Variants in SPRYD7 observed in about 807,000 individuals in gnomAD.
SPRYD7 encodes SPRY domain-containing protein 7.
A neutral mutation model predicts 23.8 loss-of-function variants in SPRYD7; 14 were observed. That is an observed-to-expected ratio of 0.59 (90% CI 0.39 to 0.92). The LOEUF is 0.92. Ranked by LOEUF, SPRYD7 falls within the 40% of genes least tolerant of loss-of-function variation. The pLI, the probability that SPRYD7 is intolerant of heterozygous loss-of-function variation, is 0.00. For missense variants in SPRYD7, 194 were observed against 241.7 expected (o/e 0.80, Z 1.31); for synonymous variants, 75 against 84.9 (o/e 0.88, Z 0.64).
intron 1 of SPRYD7, chr13:49,935,823 A>ACT: frequency 4.1e-6 from 1 of 241,014 alleles, no homozygotes; most frequent in East Asian, 8.0e-5. Flanking sequence ...CCAGAAGGGC[A>ACT]CTCTCCGCCC....
chr13:49,914,208 A>G lies in SPRYD7; in HGVS notation c.*855T>C, dbSNP rs534456466. 1 of 153,918 alleles carries G rather than the reference A, an allele frequency of 6.5e-6. No homozygotes were observed. The highest frequency in any genetic ancestry group is 2.1e-4 in the South Asian group (1 of 4,830). The allele number at this position is 153,918 out of a possible 1,614,324, so 9.5% of individuals were successfully genotyped here. On this transcript the variant is annotated 3_prime_UTR_variant, in exon 5 of 5. Coordinates refer to ENST00000361840, the MANE Select transcript of SPRYD7 (RefSeq NM_020456.4). Reference sequence around the variant, plus strand: ...CACTTATCTCTGAACTGAAATAATCACGGGTGATGTGAATTTAGTGTATAA... The same window carrying G: ...CACTTATCTCTGAACTGAAATAATCGCGGGTGATGTGAATTTAGTGTATAA...
At chr13:49,923,268 G>C (rs1955840593) in intron 3 of SPRYD7, among the ~76,000 whole-genome samples, 1 of 151,720 alleles carries the variant, frequency 6.6e-6, no homozygotes, top group Non-Finnish European at 1.5e-5. Flanking sequence ...TTTTGAGACA[G>C]AGTCTCGTTC....
chr13:49,918,171 T>C (rs1197837811), intron 4 of SPRYD7, among the ~76,000 whole-genome samples: 1 of 152,136 alleles, frequency 6.6e-6, no homozygotes, highest in Non-Finnish European at 1.5e-5. Flanking sequence ...CAAGAGATCC[T>C]CTCAGCTCAG....
At chr13:49,925,596 G>A (rs1052882021) in intron 3 of SPRYD7, among the ~76,000 whole-genome samples, 2 of 152,052 alleles carry the variant, frequency 1.3e-5, no homozygotes, top group African/African-American at 2.4e-5. Context: ...CAGATCATGA[G>A]GTCAGGAGTT....
intron 2 of SPRYD7, among the ~76,000 whole-genome samples, chr13:49,929,621 G>A (rs938135163): frequency 3.3e-5 from 5 of 151,796 alleles, no homozygotes; most frequent in Non-Finnish European, 5.9e-5. Context: ...TCAGCCTCCC[G>A]AGTAGCTGGG....
intron 3 of SPRYD7, 55 bp from the exon 4 acceptor site, chr13:49,921,635 G>C: frequency 1.8e-6 from 2 of 1,103,980 alleles, no homozygotes; most frequent in Non-Finnish European, 2.8e-6. Context: ...AGAAAGCATT[G>C]ACTGGGAAGT....
intron 1 of SPRYD7, among the ~76,000 whole-genome samples, chr13:49,932,385 C>T (rs1347761118): frequency 1.3e-5 from 2 of 152,080 alleles, no homozygotes; most frequent in African/African-American, 2.4e-5. Context: ...ACTTTATTCT[C>T]GTAGAAAATT....
At position 49,914,916 on chromosome 13, in the gene SPRYD7, G is replaced by T. The variant is rs1018019662; in HGVS notation, c.*147C>A. On this transcript the variant is annotated 3_prime_UTR_variant, in exon 5 of 5. Transcript: ENST00000361840. The stretch of plus-strand genomic sequence containing the variant: ...AAGTATTTTAAATCACAACTTCAGG[G>T]TGGTATACTGAATACATTGGTTCCT... 2 of 417,270 alleles carry T rather than the reference G, an allele frequency of 4.8e-6. No individual in the cohort carries two copies. The highest frequency in any genetic ancestry group is 2.1e-5 in the African/African-American group (1 of 48,182). 25.8% of individuals were successfully genotyped at this position (417,270 alleles called of 1,614,324 possible).
At chr13:49,917,290 A>G (rs1955763453) in intron 4 of SPRYD7, among the ~76,000 whole-genome samples, 1 of 152,064 alleles carries the variant, frequency 6.6e-6, no homozygotes, top group Admixed American at 6.6e-5. Flanking sequence ...TTTTTAGTAG[A>G]GACGGGGTTT....
intron 4 of SPRYD7, among the ~76,000 whole-genome samples, chr13:49,916,377 A>G (rs765929279): frequency 6.6e-6 from 1 of 152,210 alleles, no homozygotes; most frequent in Admixed American, 6.5e-5. Flanking sequence ...AAAAAAATGT[A>G]AATACTGGAT....
In SPRYD7 at chr13:49,936,324, G is replaced by T; in HGVS notation, c.-89C>A. On this transcript the variant is annotated 5_prime_UTR_variant, in exon 1 of 5. Transcript: ENST00000361840. ...AGCTCCGTCTCCTGCCCCCGCCCGA[G>T]GTCCGGACTTGTCTATGTGGAGCTC... The T allele has an allele frequency of 3.2e-6, 3 of 926,274 alleles. No homozygotes were observed. The highest frequency in any genetic ancestry group is 3.2e-6 in the Non-Finnish European group (2 of 629,734). The allele number at this position is 926,274 out of a possible 1,614,324, so 57.4% of individuals were successfully genotyped here.
chr13:49,931,749 G>A (rs2138240012), intron 1 of SPRYD7, among the ~76,000 whole-genome samples: 1 of 152,238 alleles, frequency 6.6e-6, no homozygotes, highest in South Asian at 2.1e-4. Flanking sequence ...AGGAAGTCGA[G>A]ACCAGCCTGG....
Position 49,927,880 on chromosome 13 carries a change from G to A in SPRYD7, c.390+39C>T, listed in dbSNP as rs541787856. ...AGATACTAAAAGCAGTTCAAATTTA[G>A]TCATTTACAGTGGAAAGCAACTCCA... On this transcript the variant is annotated intron_variant, in intron 3 of 4. Coordinates refer to ENST00000361840, the MANE Select transcript of SPRYD7 (RefSeq NM_020456.4). The A allele has an allele frequency of 1.7e-4, 267 of 1,606,668 alleles. 3 individuals carry two copies. The South Asian group carries it at 2.2e-3, about 13-fold the overall frequency.
intron 2 of SPRYD7, among the ~76,000 whole-genome samples, 190 bp from the exon 3 acceptor site, chr13:49,928,275 C>T (rs1375000157): frequency 6.6e-6 from 1 of 152,146 alleles, no homozygotes; most frequent in African/African-American, 2.4e-5. Flanking sequence ...AACCCCGTCT[C>T]TACAAAAAAT....
At chr13:49,919,255 A>G (rs113031267) in intron 4 of SPRYD7, among the ~76,000 whole-genome samples, 61 of 151,716 alleles carry the variant, frequency 4.0e-4, no homozygotes, top group Non-Finnish European at 7.8e-4. Context: ...CATCTCTAGT[A>G]AAAATATAAA....
At position 49,913,777 on chromosome 13, in the gene SPRYD7, C is replaced by T. The variant is rs1955720904; in HGVS notation, c.*1286G>A. On this transcript the variant is annotated 3_prime_UTR_variant, in exon 5 of 5. Coordinates refer to ENST00000361840, the MANE Select transcript of SPRYD7 (RefSeq NM_020456.4). ...TCCTGACCTTGTGATCCTCCCGCCT[C>T]AGCCTCCCAAAGTGCTGGGATTACA... 6.6e-6 allele frequency: 1 copy of T among 152,234 alleles called. No individual in the cohort carries two copies. Among genetic ancestry groups the T allele is most frequent in the Non-Finnish European group, 1.5e-5 (1 of 68,096 alleles). The allele number at this position is 152,234 out of a possible 1,614,324, so 9.4% of individuals were successfully genotyped here.
At chr13:49,918,403 CT>C (rs11436488) in intron 4 of SPRYD7, among the ~76,000 whole-genome samples, 4 of 143,078 alleles carry the variant, frequency 2.8e-5, no homozygotes, top group African/African-American at 7.8e-5. Flanking sequence ...TAAATTAGTT[CT>C]TTTTTTTTTT....
chr13:49,933,457 C>A (rs1245099727), intron 1 of SPRYD7, among the ~76,000 whole-genome samples: 1 of 151,908 alleles, frequency 6.6e-6, no homozygotes, highest in African/African-American at 2.4e-5. Flanking sequence ...CAAAAATTAG[C>A]CAGGCATGGT....
rs201596264 is a variant in SPRYD7, at chr13:49,936,089, C to T, written c.106+41G>A. The stretch of plus-strand genomic sequence containing the variant: ...AGGTCCCCCTGCCCGCCGCGCCCGG[C>T]CCCCGTGAGCCGTTGGGTCTGGGGA... On this transcript the variant is annotated intron_variant, in intron 1 of 4. Transcript: ENST00000361840. 8.9e-6 allele frequency: 13 copies of T among 1,463,690 alleles called. No individual in the cohort carries two copies. The East Asian group carries it at 2.4e-4, about 27-fold the overall frequency. The allele number at this position is 1,463,690 out of a possible 1,614,324, so 90.7% of individuals were successfully genotyped here. A position where few individuals can be genotyped will look rare whatever the true frequency, so the allele number is the denominator to read the frequency against.
Sources: allele counts gnomAD v4.1 joint callset (sites outside exome capture counted in the v4.1 genomes callset), GRCh38; gene constraint gnomAD v4.1.1; transcripts MANE v1.5; gene names NCBI Gene and HGNC (gene_info 2026-07-23, HGNC 2026-07-21).